RAB27B: variants seen among roughly 807,000 people sequenced by gnomAD.
RAB27B encodes the protein ras-related protein Rab-27B.
RAB27B carries 15 observed loss-of-function variants against 24.6 expected under a neutral mutation model. The ratio of observed to expected loss-of-function variants is 0.61; its 90% CI spans 0.41 to 0.94. The LOEUF (loss-of-function observed/expected upper bound fraction) is 0.94. Ranked by LOEUF, RAB27B falls within the 40% of genes least tolerant of loss-of-function variation. The pLI, the probability that RAB27B is intolerant of heterozygous loss-of-function variation, is 0.00. For missense variants in RAB27B, 261 were observed against 266.8 expected (o/e 0.98, Z 0.15); for synonymous variants, 105 against 92.5 (o/e 1.14, Z -0.78).
At chr18:54,796,747 T>C (rs937945159) in intron 2 of RAB27B, among the ~76,000 whole-genome samples, 1 of 152,212 alleles carries the variant, frequency 6.6e-6, no homozygotes, top group Non-Finnish European at 1.5e-5. Context: ...GGTCTTGGAA[T>C]GTGCAACATT....
At chr18:54,733,951 C>A (rs1909810568) in intron 2 of RAB27B, among the ~76,000 whole-genome samples, 1 of 151,996 alleles carries the variant, frequency 6.6e-6, no homozygotes, top group Non-Finnish European at 1.5e-5. Flanking sequence ...ATATTTGGTT[C>A]CAAATTTTGA....
At chr18:54,718,241 T>A (rs1909251046) in intron 2 of RAB27B, 1 of 152,098 alleles carries the variant, frequency 6.6e-6, no homozygotes, top group Non-Finnish European at 1.5e-5. Flanking sequence ...AGATGCCATC[T>A]GCATATTTCA....
At chr18:54,736,408 C>T (rs1214746725) in intron 2 of RAB27B, among the ~76,000 whole-genome samples, 1 of 151,912 alleles carries the variant, frequency 6.6e-6, no homozygotes, top group Non-Finnish European at 1.5e-5. Context: ...ATGGTTTTCT[C>T]ATTAGCAAAA....
chr18:54,870,423 A>C (rs1477815965), intron 1 of RAB27B, among the ~76,000 whole-genome samples: 1 of 152,154 alleles, frequency 6.6e-6, no homozygotes, highest in Admixed American at 6.5e-5. Context: ...ATGGGAAAAC[A>C]CTAAAAAAAT....
intron 2 of RAB27B, among the ~76,000 whole-genome samples, chr18:54,742,200 CT>C (rs2145012510): frequency 6.6e-6 from 1 of 152,286 alleles, no homozygotes; most frequent in East Asian, 1.9e-4. Context: ...AATTATCACC[CT>C]GGAGGAAACT....
intron 2 of RAB27B, among the ~76,000 whole-genome samples, chr18:54,801,008 G>GTTTTTTTTTTTTTT (rs11363761): frequency 8.6e-5 from 8 of 93,096 alleles, no homozygotes; most frequent in African/African-American, 3.4e-4. Flanking sequence ...TTGTTCCTGT[G>GTTTTTTTTTTTTTT]TTTTTTTTTT....
At chr18:54,729,866 A>G (rs1248522540) in intron 2 of RAB27B, among the ~76,000 whole-genome samples, 2 of 152,164 alleles carry the variant, frequency 1.3e-5, no homozygotes, top group East Asian at 1.9e-4. Flanking sequence ...CAAAAAAAAA[A>G]TGTTGAAAGT....
intron 1 of RAB27B, among the ~76,000 whole-genome samples, chr18:54,863,688 C>T (rs530548210): frequency 2.0e-5 from 3 of 152,248 alleles, no homozygotes; most frequent in Non-Finnish European, 2.9e-5. Context: ...TCTCACCAGC[C>T]GCTGGCAAAA....
At chr18:54,813,438 G>A (rs1266048226) in intron 2 of RAB27B, among the ~76,000 whole-genome samples, 1 of 152,204 alleles carries the variant, frequency 6.6e-6, no homozygotes, top group African/African-American at 2.4e-5. Context: ...GTCATGGGTT[G>A]GATCCATCAT....
intron 2 of RAB27B, among the ~76,000 whole-genome samples, chr18:54,808,814 T>C (rs897623181): frequency 9.9e-5 from 15 of 152,192 alleles, no homozygotes; most frequent in African/African-American, 3.6e-4. Flanking sequence ...AAATATGAAT[T>C]ATTAAAAACA....
intron 2 of RAB27B, among the ~76,000 whole-genome samples, chr18:54,738,459 G>A (rs925861169): frequency 1.4e-4 from 21 of 152,014 alleles, no homozygotes; most frequent in Non-Finnish European, 7.4e-5. Flanking sequence ...TTAAGTGGCG[G>A]TTTCCTCTCT....
chr18:54,849,470 C>T (rs549708487), intron 1 of RAB27B, among the ~76,000 whole-genome samples: 12 of 152,288 alleles, frequency 7.9e-5, no homozygotes, highest in Non-Finnish European at 1.3e-4. Flanking sequence ...GTAATCCCAG[C>T]GCTTTGGGAG....
intron 2 of RAB27B, among the ~76,000 whole-genome samples, chr18:54,766,974 A>G (rs1908382674): frequency 6.6e-6 from 1 of 152,152 alleles, no homozygotes; most frequent in Non-Finnish European, 1.5e-5. Context: ...CCAAATGACA[A>G]GAATGCAGGC....
intron 1 of RAB27B, among the ~76,000 whole-genome samples, chr18:54,871,003 A>G (rs72924790): frequency 0.022 from 3,366 of 152,340 alleles, 53 homozygotes; most frequent in Admixed American, 0.033. Context: ...ATATTCATAT[A>G]GTTTCAAAAG....
chr18:54,742,863 G>A (rs1400929491), intron 2 of RAB27B, among the ~76,000 whole-genome samples: 1 of 152,162 alleles, frequency 6.6e-6, no homozygotes, highest in Non-Finnish European at 1.5e-5. Flanking sequence ...GACTCCTAAA[G>A]TGTGCAGGAA....
intron 2 of RAB27B, among the ~76,000 whole-genome samples, chr18:54,801,008 GTTTTTTTTTTT>G (rs11363761): frequency 2.1e-5 from 2 of 93,098 alleles, no homozygotes; most frequent in Admixed American, 1.3e-4. Context: ...TTGTTCCTGT[GTTTTTTTTTTT>G]TTTTTTTTTT....
chr18:54,754,250 C>A (rs1907932100), intron 2 of RAB27B, among the ~76,000 whole-genome samples: 1 of 152,112 alleles, frequency 6.6e-6, no homozygotes, highest in Non-Finnish European at 1.5e-5. Flanking sequence ...TCTCTCTCGT[C>A]ACCACGTGAA....
intron 1 of RAB27B, among the ~76,000 whole-genome samples, chr18:54,876,839 G>T (rs956820255): frequency 3.3e-5 from 5 of 151,990 alleles, no homozygotes; most frequent in African/African-American, 1.2e-4. Flanking sequence ...CATCGTCTTG[G>T]ACTGGGTTTT....
At chr18:54,800,840 A>T (rs934983737) in intron 2 of RAB27B, among the ~76,000 whole-genome samples, 1 of 152,008 alleles carries the variant, frequency 6.6e-6, no homozygotes, top group Non-Finnish European at 1.5e-5. Context: ...GTCTGCTCTC[A>T]TGGGTGCTCA....
Sources: allele counts gnomAD v4.1 joint callset (sites outside exome capture counted in the v4.1 genomes callset), GRCh38; gene constraint gnomAD v4.1.1; transcripts MANE v1.5; gene names NCBI Gene and HGNC (gene_info 2026-07-23, HGNC 2026-07-21).